TRIM14: variants seen among roughly 807,000 people sequenced by gnomAD.
The protein encoded by TRIM14 is tripartite motif containing 14.
In TRIM14, 28 loss-of-function variants were observed where a neutral mutation model predicts 44.5. The ratio of observed to expected loss-of-function variants is 0.63; its 90% CI spans 0.47 to 0.86. The LOEUF (loss-of-function observed/expected upper bound fraction) is 0.86, where lower values mean the gene tolerates loss of function less well. Among genes scored for constraint, TRIM14 ranks in the 40% least tolerant of loss-of-function variants. The pLI is 0.00. For synonymous variants in TRIM14, 299 were observed against 269.2 expected, an observed-to-expected ratio of 1.11 and a Z score of -1.08; for missense variants, 607 against 611.1, an observed-to-expected ratio of 0.99 and a Z score of 0.07.
chr9:98,099,945 C>G lies in TRIM14; in HGVS notation c.523G>C (p.Val175Leu). 1 of 1,613,164 alleles carries G rather than the reference C, an allele frequency of 6.2e-7. No homozygotes were observed. Among genetic ancestry groups the G allele is most frequent in the Non-Finnish European group, 8.5e-7 (1 of 1,179,948 alleles). The change falls in exon 3 of 6, where the codon GTC becomes CTC. Residue 175 changes from valine to leucine, a missense_variant. Val to Leu is a conservative substitution (Grantham distance 32). This residue lies in a region of TRIM14 where 246 missense variants were observed against 270.8 expected (regional missense o/e 0.91). Coordinates refer to ENST00000341469, the MANE Select transcript of TRIM14 (RefSeq NM_014788.4). ...CCCAGCATTACCTGAAGCCTCTGGA[C>G]AGGATCGGGCTCCTGGCTGATACTC... ...VWSISQEPDP[V>L]QRLQAYTATE...
chr9:98,106,941 C>G (rs1205237008), intron 2 of TRIM14, among the ~76,000 whole-genome samples: 1 of 151,938 alleles, frequency 6.6e-6, no homozygotes, highest in Non-Finnish European at 1.5e-5. Context: ...ATCCTCCCAC[C>G]TCAGCCTCCT....
At chr9:98,092,022 A>G in intron 4 of TRIM14, 21 bp from the exon 5 acceptor site, 1 of 1,580,368 alleles carries the variant, frequency 6.3e-7, no homozygotes, top group Non-Finnish European at 8.6e-7. Context: ...TTGTTGAGAA[A>G]TGAGCGCCCG....
chr9:98,082,858 G>A (rs1484393465), downstream of TRIM14: 3 of 1,614,156 alleles, frequency 1.9e-6, no homozygotes, highest in Non-Finnish European at 2.5e-6. Context: ...GGGCAAGTCT[G>A]TGGTGGCCAA....
At chr9:98,075,442 A>AAGGAAAGGG (rs1213904714) in intron 6 of TRIM14, 1 of 138,430 alleles carries the variant, frequency 7.2e-6, no homozygotes, top group Non-Finnish European at 1.6e-5. Flanking sequence ...GAAAGGGAGG[A>AAGGAAAGGG]AGGAAAGGGA....
intron 5 of TRIM14, among the ~76,000 whole-genome samples, chr9:98,089,832 T>C (rs982747902): frequency 2.6e-5 from 4 of 152,188 alleles, no homozygotes; most frequent in African/African-American, 9.7e-5. Flanking sequence ...GCCTCTGCTT[T>C]CTGCCCCAAA....
At chr9:98,062,810 C>CA in the TRIM14 span, among the ~76,000 whole-genome samples, 2 of 131,852 alleles carry the variant, frequency 1.5e-5, no homozygotes, top group Non-Finnish European at 3.2e-5. Context: ...GACAGAGTCT[C>CA]AAAAAAACTG....
At chr9:98,083,180 TAGAC>T (rs1371929681), downstream of TRIM14, 5 of 851,780 alleles carry the variant, frequency 5.9e-6, no homozygotes, top group Admixed American at 2.4e-5. Flanking sequence ...ACCTGCTCCT[TAGAC>T]AGCAGATGTT....
chr9:98,068,157 T>C (rs371186212), downstream of TRIM14, among the ~76,000 whole-genome samples: 296 of 152,324 alleles, frequency 1.9e-3, no homozygotes, highest in African/African-American at 6.9e-3. Flanking sequence ...ATTTTTGAGA[T>C]AGGGTTACAC....
At chr9:98,051,072 C>T in the TRIM14 span, among the ~76,000 whole-genome samples, 6 of 152,224 alleles carry the variant, frequency 3.9e-5, no homozygotes, top group Admixed American at 1.3e-4. Context: ...CCACACCCGG[C>T]ATGGTTGCAC....
At chr9:98,061,014 T>C in the TRIM14 span, 77 of 1,611,526 alleles carry the variant, frequency 4.8e-5, no homozygotes, top group Non-Finnish European at 6.5e-5. Context: ...CCTCTGCTGC[T>C]CTGTCATTTG....
chr9:98,037,216 A>C, the TRIM14 span, among the ~76,000 whole-genome samples: 1 of 152,018 alleles, frequency 6.6e-6, no homozygotes, highest in African/African-American at 2.4e-5. Flanking sequence ...TGTCTCTACT[A>C]AAAATACAAA....
At chr9:98,078,828 C>G (rs1374793622) in intron 6 of TRIM14, among the ~76,000 whole-genome samples, 1 of 109,382 alleles carries the variant, frequency 9.1e-6, no homozygotes, top group East Asian at 2.2e-4. Flanking sequence ...GAGTGAGACT[C>G]TCAGGGGGAA....
At chr9:98,038,777 G>A in the TRIM14 span, among the ~76,000 whole-genome samples, 1 of 152,094 alleles carries the variant, frequency 6.6e-6, no homozygotes, top group Non-Finnish European at 1.5e-5. Flanking sequence ...ACGGCCAGGT[G>A]TGGTGGCTCA....
chr9:98,043,310 TGG>T, the TRIM14 span, among the ~76,000 whole-genome samples: 2 of 152,112 alleles, frequency 1.3e-5, no homozygotes, highest in African/African-American at 4.8e-5. Context: ...CCCGAGTAGC[TGG>T]GATTACAGGC....
At chr9:98,091,377 T>C (rs137920777) in intron 5 of TRIM14, among the ~76,000 whole-genome samples, 24 of 152,120 alleles carry the variant, frequency 1.6e-4, no homozygotes. Context: ...AAATCATTTG[T>C]GCCCAAGAGG....
intron 5 of TRIM14, among the ~76,000 whole-genome samples, chr9:98,088,385 C>T (rs1359766136): frequency 1.3e-5 from 2 of 151,828 alleles, no homozygotes; most frequent in Non-Finnish European, 2.9e-5. Flanking sequence ...AACGGAGTCT[C>T]GCTCTGTTGC....
intron 6 of TRIM14, chr9:98,076,193 G>T (rs1390686739): frequency 6.6e-6 from 1 of 152,164 alleles, no homozygotes; most frequent in East Asian, 1.9e-4. Flanking sequence ...CTTTCGCCAA[G>T]AATTGAAATA....
rs565941407 is a variant in TRIM14 at position 98,089,844 on chromosome 9, G to A, written c.794-1839C>T. 2.6e-5 allele frequency among the ~76,000 whole-genome samples: 4 copies of A among 152,308 alleles called. No individual in the cohort carries two copies. The South Asian group carries it at 8.3e-4, about 32-fold the overall frequency. ...AAAGCCTCTGCTTTCTGCCCCAAAA[G>A]TGAGGCGGTACCGTTAAGGGCAGGA... On this transcript the variant is annotated intron_variant, in intron 5 of 5. Transcript: ENST00000341469.
At chr9:98,106,746 T>G (rs1243426826) in intron 2 of TRIM14, among the ~76,000 whole-genome samples, 1 of 152,052 alleles carries the variant, frequency 6.6e-6, no homozygotes, top group African/African-American at 2.4e-5. Context: ...AGTAAAAATG[T>G]CAATTCTCCC....
Sources: allele counts gnomAD v4.1 joint callset (sites outside exome capture counted in the v4.1 genomes callset), GRCh38; gene constraint gnomAD v4.1.1; regional missense constraint gnomAD v4.1.1; transcripts MANE v1.5; gene names NCBI Gene and HGNC (gene_info 2026-07-23, HGNC 2026-07-21).